ALK: variants seen among roughly 807,000 people sequenced by gnomAD.
The protein encoded by ALK is ALK tyrosine kinase receptor.
In ALK, 74 loss-of-function variants were observed where a neutral mutation model predicts 163.1. The observed-to-expected ratio is 0.45, with a 90% CI of 0.38 to 0.55. ALK has a LOEUF of 0.55. Among genes scored for constraint, ALK ranks in the 20% least tolerant of loss-of-function variants. The pLI, the probability that ALK is intolerant of heterozygous loss-of-function variation, is 0.00. For missense variants in ALK, 2,063 were observed against 2,105.3 expected, an observed-to-expected ratio of 0.98 and a Z score of 0.39; for synonymous variants, 960 against 843.2, an observed-to-expected ratio of 1.14 and a Z score of -2.40.
chr2:29,232,177 C>A, intron 15 of ALK, 127 bp downstream of exon 15: 1 of 1,336,226 alleles, frequency 7.5e-7, no homozygotes, highest in Non-Finnish European at 1.1e-6. Flanking sequence ...GATATCGGTA[C>A]CAATATTCAG....
intron 4 of ALK, among the ~76,000 whole-genome samples, chr2:29,521,743 C>T (rs1672817964): frequency 1.3e-5 from 2 of 152,204 alleles, no homozygotes; most frequent in South Asian, 4.1e-4. Context: ...CCATCAGCTC[C>T]AGTTGCCTGG....
At chr2:29,630,987 A>T (rs923171014) in intron 3 of ALK, among the ~76,000 whole-genome samples, 2 of 152,252 alleles carry the variant, frequency 1.3e-5, no homozygotes, top group Admixed American at 6.5e-5. Context: ...AAAAACATAT[A>T]TGTGCAACGT....
chr2:29,575,372 C>G (rs544372821), intron 3 of ALK, among the ~76,000 whole-genome samples: 5 of 152,138 alleles, frequency 3.3e-5, no homozygotes, highest in Non-Finnish European at 7.4e-5. Flanking sequence ...TTTTTATTCT[C>G]TTTAGTTATC....
chr2:29,399,529 CAGA>C (rs1669392399), intron 4 of ALK, among the ~76,000 whole-genome samples: 2 of 152,334 alleles, frequency 1.3e-5, no homozygotes, highest in East Asian at 3.9e-4. Flanking sequence ...AGGGCATGCT[CAGA>C]AGATTAGCTA....
chr2:29,737,586 T>A (rs1679929389), intron 1 of ALK, among the ~76,000 whole-genome samples: 1 of 152,072 alleles, frequency 6.6e-6, no homozygotes, highest in African/African-American at 2.4e-5. Flanking sequence ...GGCTCCACAG[T>A]GGGCAAAGCA....
At chr2:29,752,835 C>G (rs912696906) in intron 1 of ALK, among the ~76,000 whole-genome samples, 6 of 152,126 alleles carry the variant, frequency 3.9e-5, no homozygotes, top group African/African-American at 1.2e-4. Context: ...GCCAAAACTG[C>G]TTTTCAAGGA....
chr2:29,554,651 C>T (rs1673799503), intron 3 of ALK, among the ~76,000 whole-genome samples: 1 of 152,138 alleles, frequency 6.6e-6, no homozygotes, highest in African/African-American at 2.4e-5. Context: ...GATTTGAATA[C>T]CTGCTACTGT....
chr2:29,725,173 A>AAAAAAAAG lies in ALK; in HGVS notation c.668-7477_668-7476insCTTTTTTT, dbSNP rs59025753. Among the ~76,000 whole-genome samples, 3 of 149,982 alleles carry AAAAAAAAG rather than the reference A, an allele frequency of 2.0e-5. No homozygotes were observed. The South Asian group carries it at 6.4e-4, about 32-fold the overall frequency. On this transcript the variant is annotated intron_variant, in intron 1 of 28. Coordinates refer to ENST00000389048, the MANE Select transcript of ALK (RefSeq NM_004304.5). ...CTATACCAAAAAAAAAAAAAAAAAAAGGAATCACAAAGAGGTTGCTCCAGA... is the reference window on the plus strand; with the variant it reads ...CTATACCAAAAAAAAAAAAAAAAAAAAAAAAAAGGGAATCACAAAGAGGTTGCTCCAGA...
chr2:29,784,681 C>T (rs1173235231), intron 1 of ALK, among the ~76,000 whole-genome samples: 1 of 143,822 alleles, frequency 7.0e-6, no homozygotes, highest in Non-Finnish European at 1.5e-5. Context: ...GGTGACAGAG[C>T]AAGACCTCCG....
chr2:29,848,172 G>C (rs1665895709), intron 1 of ALK, among the ~76,000 whole-genome samples: 1 of 152,038 alleles, frequency 6.6e-6, no homozygotes, highest in Non-Finnish European at 1.5e-5. Context: ...AAGTGGGGAG[G>C]CTTTTCTTCC....
intron 4 of ALK, among the ~76,000 whole-genome samples, chr2:29,483,038 G>C (rs1671700173): frequency 1.3e-5 from 2 of 152,174 alleles, no homozygotes; most frequent in African/African-American, 4.8e-5. Flanking sequence ...ATGTGTTCTA[G>C]AATAGGAAAC....
chr2:29,720,426 T>C (rs1431436251), intron 1 of ALK, among the ~76,000 whole-genome samples: 1 of 152,138 alleles, frequency 6.6e-6, no homozygotes, highest in African/African-American at 2.4e-5. Context: ...CAGGAACTCC[T>C]AGAATTTCTT....
At chr2:29,739,661 T>TTAA (rs1408493329) in intron 1 of ALK, among the ~76,000 whole-genome samples, 1 of 152,018 alleles carries the variant, frequency 6.6e-6, no homozygotes, top group African/African-American at 2.4e-5. Context: ...TTGAGGCAGG[T>TTAA]TAATATATTC....
chr2:29,436,962 G>T (rs964095892), intron 4 of ALK, among the ~76,000 whole-genome samples: 1 of 152,166 alleles, frequency 6.6e-6, no homozygotes, highest in African/African-American at 2.4e-5. Flanking sequence ...GAGGTAGTGA[G>T]GGGTGCCAAA....
At chr2:29,627,851 G>C (rs1484305990) in intron 3 of ALK, among the ~76,000 whole-genome samples, 1 of 152,170 alleles carries the variant, frequency 6.6e-6, no homozygotes, top group African/African-American at 2.4e-5. Context: ...TGTTTAAAGA[G>C]AGAAAAGTTT....
intron 7 of ALK, among the ~76,000 whole-genome samples, chr2:29,320,083 C>G (rs34106078): frequency 0.08 from 12,133 of 152,298 alleles, 513 homozygotes; most frequent in South Asian, 0.13. Context: ...CATATAGACC[C>G]TCTGTGATCC....
At chr2:29,513,477 A>G (rs1461673581) in intron 4 of ALK, among the ~76,000 whole-genome samples, 39 of 148,670 alleles carry the variant, frequency 2.6e-4, no homozygotes, top group African/African-American at 9.7e-4. Context: ...TCCCTTCCTT[A>G]CACCTTATAC....
At position 29,353,685 on chromosome 2, in the gene ALK, T is replaced by A. The variant is rs138181609; in HGVS notation, c.1283-25204A>T. 4.2e-3 allele frequency among the ~76,000 whole-genome samples: 631 copies of A among 151,810 alleles called. 1 individual carries two copies. The highest frequency in any genetic ancestry group is 0.01 in the South Asian group (49 of 4,792). On this transcript the variant is annotated intron_variant, in intron 5 of 28. Transcript: ENST00000389048. ...CAAAGGCAGTGTGTTGAGGTTTCAA[T>A]ATTTTCTAGTGGAGAAGGTCATGAT...
At chr2:29,458,998 TG>T (rs1671023267) in intron 4 of ALK, among the ~76,000 whole-genome samples, 1 of 152,168 alleles carries the variant, frequency 6.6e-6, no homozygotes, top group South Asian at 2.1e-4. Context: ...ATAGGTCACT[TG>T]GGAAATGTTT....
Sources: gnomAD v4.1 joint callset for allele counts (sites outside exome capture counted in the v4.1 genomes callset) on GRCh38, gnomAD v4.1.1 for gene constraint, MANE v1.5 for transcripts, NCBI Gene and HGNC (gene_info 2026-07-23, HGNC 2026-07-21) for gene names.